Variants in MYH11 observed in about 807,000 individuals in gnomAD.
MYH11 encodes myosin-11.
Under a neutral mutation model 246.6 loss-of-function variants are expected in MYH11, and 80 were observed. That is an observed-to-expected ratio of 0.32 (90% CI 0.27 to 0.39). The LOEUF is 0.39. Ranked by LOEUF, MYH11 falls within the 10% of genes least tolerant of loss-of-function variation. The pLI is 1.00. For missense variants in MYH11, 2,158 were observed against 2,546.8 expected (o/e 0.85, Z 3.29); for synonymous variants, 1,071 against 1,015.5 (o/e 1.05, Z -1.04).
At chr16:15,817,215 G>A (rs1291356272) in intron 3 of MYH11, among the ~76,000 whole-genome samples, 8 of 152,134 alleles carry the variant, frequency 5.3e-5, no homozygotes, top group African/African-American at 1.9e-4. Context: ...ACCACGGCCG[G>A]GCGCAGTGGC....
At position 15,720,906 on chromosome 16, in the gene MYH11, T is replaced by TG. The variant is rs2040436719; in HGVS notation, c.4723dup (p.Gln1575ProfsTer14). The TG allele has an allele frequency of 6.2e-7, 1 of 1,613,886 alleles. No individual in the cohort carries two copies. Among genetic ancestry groups the TG allele is most frequent in the Admixed American group, 1.7e-5 (1 of 59,970 alleles). On this transcript the variant is annotated frameshift_variant, in exon 33 of 41. Transcript: ENST00000300036. LOFTEE classifies it high-confidence loss of function. ...CCGGGCTTGGAGATCCCTTTCGAAC[T>TG]GGCCCTTGAGCGCCTGCATGTTGAC...
In MYH11 at chr16:15,793,246, T is replaced by C. The variant is rs907099659; in HGVS notation, c.530+5414A>G. On this transcript the variant is annotated intron_variant, in intron 4 of 40. Transcript: ENST00000300036. ...ACAAAATACAACTCAGGCCTAAAAA[T>C]TACATTTATTCAGCTTTCAGTTTCC... 9.0e-4 allele frequency among the ~76,000 whole-genome samples: 137 copies of C among 152,154 alleles called. 1 individual carries two copies. Among genetic ancestry groups the C allele is most frequent in the African/African-American group, 3.1e-3 (130 of 41,416 alleles).
rs1173689781 is a variant in MYH11, at chr16:15,738,662, A to G, written c.3024T>C (p.Ile1008=). Residue 1008 remains isoleucine (I), a synonymous_variant, in exon 24 of 41, where the codon ATT becomes ATC. Coordinates refer to ENST00000300036, the MANE Select transcript of MYH11 (RefSeq NM_002474.3). The part of the protein sequence containing the change: ...SKERKLLEER[I]SDLTTNLAEE... ...CTGCAAGATTTGTCGTTAAGTCACT[A>G]ATCCTCTCCTCAAGGAGTTTTCGTT... is the stretch of plus-strand genomic sequence containing the variant. 6.2e-7 allele frequency: 1 copy of G among 1,613,886 alleles called. No homozygotes were observed. Among genetic ancestry groups the G allele is most frequent in the Non-Finnish European group, 8.5e-7 (1 of 1,179,924 alleles).
At chr16:15,758,233 A>C (rs1165751952) in intron 12 of MYH11, among the ~76,000 whole-genome samples, 1 of 152,112 alleles carries the variant, frequency 6.6e-6, no homozygotes, top group African/African-American at 2.4e-5. Flanking sequence ...TATCTCCTCC[A>C]TCTGCACAAC....
Position 15,814,141 on chromosome 16 carries a change from A to C in MYH11, c.502+9114T>G, listed in dbSNP as rs556770191. Among the ~76,000 whole-genome samples, 198 of 89,522 alleles carry C rather than the reference A, an allele frequency of 2.2e-3. 1 individual carries two copies. Among genetic ancestry groups the C allele is most frequent in the East Asian group, 0.011 (40 of 3,802 alleles). The allele number at this position is 89,522 out of a possible 152,430, so 58.7% of individuals were successfully genotyped here. The stretch of plus-strand genomic sequence containing the variant: ...CGACAAGAGGGAAACTCCATCCCCC[A>C]AAAAAAAACAAACAAACCAAAAAGT... On this transcript the variant is annotated intron_variant, in intron 3 of 40. Coordinates refer to ENST00000300036, the MANE Select transcript of MYH11 (RefSeq NM_002474.3).
Position 15,749,879 on chromosome 16 carries a change from A to C in MYH11, c.2058+259T>G. ...ACCCAGGACAGGGCAGAGCCCAGTG[A>C]ATACTTCCTGGGATAATGAATGAAT... is the stretch of plus-strand genomic sequence containing the variant. On this transcript the variant is annotated intron_variant, in intron 16 of 40. Transcript: ENST00000300036. 6.7e-6 allele frequency: 4 copies of C among 596,038 alleles called. No homozygotes were observed. The South Asian group carries it at 8.2e-5, about 12-fold the overall frequency. The allele number at this position is 596,038 out of a possible 1,614,324, so 36.9% of individuals were successfully genotyped here. A position where few individuals can be genotyped will look rare whatever the true frequency, so the allele number is the denominator to read the frequency against.
At chr16:15,717,093 T>C in intron 38 of MYH11, 47 bp downstream of exon 38, 1 of 1,594,074 alleles carries the variant, frequency 6.3e-7, no homozygotes, top group Non-Finnish European at 8.6e-7. Flanking sequence ...ACTCCTGCTG[T>C]CCATCACCCC....
At chr16:15,761,020 C>G (rs984346064) in intron 10 of MYH11, among the ~76,000 whole-genome samples, 2 of 152,176 alleles carry the variant, frequency 1.3e-5, no homozygotes, top group Non-Finnish European at 2.9e-5. Flanking sequence ...AGGGTCAGCT[C>G]TTCGGTACCT....
At position 15,786,658 on chromosome 16, in the gene MYH11, T is replaced by A; in HGVS notation, c.605A>T (p.His202Leu). ...IQYLAVVASS[H>L]KGKKDTSITG... is the part of the protein sequence containing the mutation. ...GATACTTGTGTCTTTCTTGCCCTTG[T>A]GGGAGGAGGCCACCACGGCCAGGTA... The change falls in exon 5 of 41, where the codon CAC becomes CTC. Residue 202 changes from histidine (H) to leucine (L), a missense_variant. By Grantham distance (99) the His-to-Leu change is moderately conservative. Around this residue, in one of 11 missense-constraint regions of MYH11, gnomAD observed 123 missense variants for 207.1 expected, o/e 0.59. Transcript: ENST00000300036. The A allele has an allele frequency of 6.2e-7, 1 of 1,614,178 alleles. No individual in the cohort carries two copies. Among genetic ancestry groups the A allele is most frequent in the African/African-American group, 1.3e-5 (1 of 75,054 alleles).
intron 40 of MYH11, among the ~76,000 whole-genome samples, chr16:15,708,628 C>T (rs1187096099): frequency 6.6e-6 from 1 of 152,164 alleles, no homozygotes. Flanking sequence ...TATTTGTCAT[C>T]CTGATCTTGG....
intron 19 of MYH11, 44 bp downstream of exon 19, chr16:15,747,526 G>A (rs766122879): frequency 1.9e-6 from 3 of 1,612,770 alleles, no homozygotes; most frequent in African/African-American, 2.7e-5. Flanking sequence ...GCCCCTGTTT[G>A]TGATTCGCGT....
intron 4 of MYH11, among the ~76,000 whole-genome samples, chr16:15,796,628 G>A (rs1567181621): frequency 6.6e-6 from 1 of 152,160 alleles, no homozygotes; most frequent in Non-Finnish European, 1.5e-5. Flanking sequence ...CCACAAGAAT[G>A]TCCATGGCCT....
intron 4 of MYH11, among the ~76,000 whole-genome samples, chr16:15,794,113 T>C (rs1005505080): frequency 6.8e-6 from 1 of 147,418 alleles, no homozygotes; most frequent in African/African-American, 2.5e-5. Context: ...CCAGCTAATT[T>C]TTTTGTATTT....
chr16:15,753,443 G>T lies in MYH11; in HGVS notation c.1815C>A (p.Ser605=), dbSNP rs1157469426. 5 of 1,614,036 alleles carry T rather than the reference G, an allele frequency of 3.1e-6. No individual in the cohort carries two copies. The highest frequency in any genetic ancestry group is 1.3e-5 in the African/African-American group (1 of 74,916). ...NMDPLNDNVT[S]LLNASSDKFV... is the part of the protein sequence containing the mutation. ...ACTTGTCGGAGGAGGCATTGAGCAG[G>T]GAAGTCACGTTGTCATTCAGCGGGT... is the stretch of plus-strand genomic sequence containing the variant. The change falls in exon 15 of 41, where the codon TCC becomes TCA. Residue 605 remains serine, a synonymous_variant. Transcript: ENST00000300036.
chr16:15,703,252 ACAGAAGG>A lies in MYH11; in HGVS notation c.*732_*738del. ...CGTCTCCTTTTCAATTCATGTGACT[ACAGAAGG>A]CACTTGGTGAACTGTGCGTGTCTGA... On this transcript the variant is annotated 3_prime_UTR_variant, in exon 41 of 41. Coordinates refer to ENST00000300036, the MANE Select transcript of MYH11 (RefSeq NM_002474.3). The A allele has an allele frequency of 4.6e-6, 1 of 216,932 alleles. No homozygotes were observed. 13.4% of individuals were successfully genotyped at this position (216,932 alleles called of 1,614,324 possible). A position where few individuals can be genotyped will look rare whatever the true frequency, so the allele number is the denominator to read the frequency against.
intron 13 of MYH11, 30 bp downstream of exon 13, chr16:15,757,797 C>T (rs760925529): frequency 1.5e-5 from 24 of 1,613,888 alleles, no homozygotes; most frequent in Admixed American, 8.3e-5. Flanking sequence ...CAAGGTGTGA[C>T]GGAGCCCCGC....
At chr16:15,771,812 T>C in intron 8 of MYH11, 100 bp from the exon 9 acceptor site, 1 of 1,482,578 alleles carries the variant, frequency 6.7e-7, no homozygotes, top group Non-Finnish European at 9.3e-7. Context: ...ATAATTCCTT[T>C]CCCTTTATCA....
intron 20 of MYH11, among the ~76,000 whole-genome samples, chr16:15,744,797 C>T (rs927459192): frequency 6.6e-6 from 1 of 152,266 alleles, no homozygotes. Flanking sequence ...GCCGCCGCCC[C>T]CGGCAGCATT....
chr16:15,811,815 A>G (rs2043144856), intron 3 of MYH11, among the ~76,000 whole-genome samples: 1 of 152,116 alleles, frequency 6.6e-6, no homozygotes, highest in Admixed American at 6.5e-5. Context: ...GCTGGCTGTT[A>G]TTTCTTTTTT....
Sources: allele counts gnomAD v4.1 joint callset (sites outside exome capture counted in the v4.1 genomes callset), GRCh38; gene constraint gnomAD v4.1.1; regional missense constraint gnomAD v4.1.1; transcripts MANE v1.5; gene names NCBI Gene and HGNC (gene_info 2026-07-23, HGNC 2026-07-21).